MYO1B: variants seen among roughly 807,000 people sequenced by gnomAD.
MYO1B encodes the protein unconventional myosin-Ib.
A neutral mutation model predicts 159.7 loss-of-function variants in MYO1B; 72 were observed. The ratio of observed to expected loss-of-function variants is 0.45; its 90% CI spans 0.37 to 0.55. The LOEUF is 0.55. Ranked by LOEUF, MYO1B falls within the 20% of genes least tolerant of loss-of-function variation. MYO1B has a pLI of 0.00. For missense variants in MYO1B, 1,062 were observed against 1,364.8 expected (o/e 0.78, Z 3.50); for synonymous variants, 468 against 473.8 (o/e 0.99, Z 0.16).
chr2:191,414,456 C>A (rs1697439560), intron 28 of MYO1B, 61 bp from the exon 29 acceptor site: 1 of 1,477,276 alleles, frequency 6.8e-7, no homozygotes, highest in South Asian at 1.4e-5. Context: ...GCCTTAAACT[C>A]ATGGACCATT....
intron 3 of MYO1B, among the ~76,000 whole-genome samples, chr2:191,303,100 T>A (rs1168072264): frequency 6.6e-6 from 1 of 152,202 alleles, no homozygotes; most frequent in Admixed American, 6.5e-5. Context: ...TATCTCAAAA[T>A]GTACCAGTGC....
At chr2:191,260,269 A>ATTTTTTTTTTTTTTTTTTTTTTTTTTTTT (rs1574281122) in intron 1 of MYO1B, among the ~76,000 whole-genome samples, 1 of 19,346 alleles carries the variant, frequency 5.2e-5, no homozygotes, top group Admixed American at 1.4e-3. Flanking sequence ...TTTTTTTTTG[A>ATTTTTTTTTTTTTTTTTTTTTTTTTTTTT]ATTAAAGCTA....
At position 191,383,086 on chromosome 2, in the gene MYO1B, G is replaced by C. The variant is rs539552672; in HGVS notation, c.1291-194G>C. The stretch of plus-strand genomic sequence containing the variant: ...AGGTCAAGGGTGTTTGCTTCAATCA[G>C]ATTATGTCAGTGGTAGGCAGCTGCA... On this transcript the variant is annotated intron_variant, in intron 14 of 30. Coordinates refer to ENST00000392318, the MANE Select transcript of MYO1B (RefSeq NM_001130158.3). 1.3e-4 allele frequency among the ~76,000 whole-genome samples: 20 copies of C among 152,146 alleles called. 1 individual carries two copies. The highest frequency in any genetic ancestry group is 3.6e-4 in the African/African-American group (15 of 41,432).
chr2:191,293,120 C>T lies in MYO1B; in HGVS notation c.136-2991C>T, dbSNP rs976286082. Among the ~76,000 whole-genome samples, 12 of 152,360 alleles carry T rather than the reference C, an allele frequency of 7.9e-5. No individual in the cohort carries two copies. In the East Asian group the frequency reaches 1.3e-3, roughly 17 times the overall value. On this transcript the variant is annotated intron_variant, in intron 2 of 30. Coordinates refer to ENST00000392318, the MANE Select transcript of MYO1B (RefSeq NM_001130158.3). Reference sequence around the variant, plus strand: ...CACAGTCATAAAAAAGGAGACACATCCTAATACACAAATGCTTCTCAGGCT... The same window carrying T: ...CACAGTCATAAAAAAGGAGACACATTCTAATACACAAATGCTTCTCAGGCT...
chr2:191,311,494 GT>G (rs1690000240), intron 3 of MYO1B, among the ~76,000 whole-genome samples: 1 of 152,212 alleles, frequency 6.6e-6, no homozygotes, highest in Non-Finnish European at 1.5e-5. Context: ...GGAATTGCTA[GT>G]TTTTAAGCCG....
At chr2:191,369,808 T>G (rs1694244973) in intron 12 of MYO1B, among the ~76,000 whole-genome samples, 180 bp downstream of exon 12, 1 of 152,242 alleles carries the variant, frequency 6.6e-6, no homozygotes, top group South Asian at 2.1e-4. Flanking sequence ...TTATTTTGTT[T>G]TGCCATGTGT....
chr2:191,281,395 AT>A (rs1688051779), intron 2 of MYO1B, among the ~76,000 whole-genome samples: 1 of 152,122 alleles, frequency 6.6e-6, no homozygotes, highest in Non-Finnish European at 1.5e-5. Flanking sequence ...TTATTCCTCC[AT>A]CTTGGCGGAG....
intron 3 of MYO1B, among the ~76,000 whole-genome samples, chr2:191,325,397 G>A (rs962858664): frequency 1.3e-5 from 2 of 152,218 alleles, no homozygotes. Flanking sequence ...CTTGAAATAA[G>A]AAGGTAGAAA....
At chr2:191,371,692 A>T (rs1162520291) in intron 13 of MYO1B, among the ~76,000 whole-genome samples, 4 of 152,186 alleles carry the variant, frequency 2.6e-5, no homozygotes, top group African/African-American at 9.6e-5. Context: ...TCCCAAAGTA[A>T]CAGGTTCCCC....
intron 11 of MYO1B, among the ~76,000 whole-genome samples, chr2:191,366,683 C>T (rs971200732): frequency 6.6e-6 from 1 of 152,114 alleles, no homozygotes; most frequent in Non-Finnish European, 1.5e-5. Flanking sequence ...TCCCACACAG[C>T]TTACCTCAGT....
At chr2:191,260,831 A>C (rs1376429143) in intron 1 of MYO1B, among the ~76,000 whole-genome samples, 1 of 152,120 alleles carries the variant, frequency 6.6e-6, no homozygotes, top group East Asian at 1.9e-4. Flanking sequence ...TGTGGATTTG[A>C]AGTGTTATTT....
rs373185238 is a variant in MYO1B at position 191,276,944 on chromosome 2, G to A, written c.49G>A (p.Val17Ile). The change falls in exon 2 of 31, where the codon GTT becomes ATT. Residue 17 changes from valine to isoleucine, a missense_variant. Physicochemically the swap from Val to Ile is conservative, Grantham distance 29. Transcript: ENST00000392318. ...CTCACTTCTGGACAATATGATTGGA[G>A]TTGGGGATATGGTTCTTTTAGAACC... ...KTSLLDNMIGVGDMVLLEPLN... is the reference protein window; with the variant it reads ...KTSLLDNMIGIGDMVLLEPLN... 22 of 1,614,050 alleles carry A rather than the reference G, an allele frequency of 1.4e-5. No individual in the cohort carries two copies. The highest frequency in any genetic ancestry group is 1.8e-5 in the Non-Finnish European group (21 of 1,179,980).
intron 16 of MYO1B, 22 bp downstream of exon 16, chr2:191,386,106 C>G: frequency 6.2e-7 from 1 of 1,611,490 alleles, no homozygotes; most frequent in Non-Finnish European, 8.5e-7. Context: ...CTGTGAGCAC[C>G]CAGTCAGGCC....
At chr2:191,379,523 T>C (rs1175959903) in intron 13 of MYO1B, among the ~76,000 whole-genome samples, 1 of 152,218 alleles carries the variant, frequency 6.6e-6, no homozygotes, top group Non-Finnish European at 1.5e-5. Context: ...GGTCCTGTTT[T>C]AGAAGTGTAC....
At chr2:191,396,714 T>C (rs894795562) in intron 21 of MYO1B, among the ~76,000 whole-genome samples, 6 of 152,306 alleles carry the variant, frequency 3.9e-5, no homozygotes, top group African/African-American at 1.4e-4. Flanking sequence ...TTAAGCGCTT[T>C]GTTCTCTAAG....
intron 1 of MYO1B, among the ~76,000 whole-genome samples, chr2:191,260,416 C>T (rs1010308728): frequency 7.9e-5 from 12 of 151,746 alleles, no homozygotes; most frequent in Admixed American, 7.9e-4. Context: ...TATATGTTTA[C>T]ATAACATTGG....
chr2:191,320,534 C>G (rs189886253), intron 3 of MYO1B, among the ~76,000 whole-genome samples: 38 of 152,148 alleles, frequency 2.5e-4, no homozygotes, highest in Non-Finnish European at 4.6e-4. Context: ...TATGTATGTG[C>G]AAGTATCTGT....
chr2:191,326,458 C>T (rs1691073939), intron 3 of MYO1B, among the ~76,000 whole-genome samples: 7 of 151,962 alleles, frequency 4.6e-5, no homozygotes, highest in Admixed American at 4.6e-4. Context: ...TTATACTGTC[C>T]TTGAGATGGG....
intron 2 of MYO1B, among the ~76,000 whole-genome samples, chr2:191,279,898 G>A (rs1687956164): frequency 6.6e-6 from 1 of 152,092 alleles, no homozygotes; most frequent in Admixed American, 6.5e-5. Flanking sequence ...TGATAAGGGG[G>A]CCAGTGAACA....
Sources: gnomAD v4.1 joint callset for allele counts (sites outside exome capture counted in the v4.1 genomes callset) on GRCh38, gnomAD v4.1.1 for gene constraint, MANE v1.5 for transcripts, NCBI Gene and HGNC (gene_info 2026-07-23, HGNC 2026-07-21) for gene names.